COL21A1: variants seen among roughly 807,000 people sequenced by gnomAD.
COL21A1 encodes collagen alpha-1(XXI) chain.
A neutral mutation model predicts 137.9 loss-of-function variants in COL21A1; 149 were observed. The ratio of observed to expected loss-of-function variants is 1.08; its 90% CI spans 0.95 to 1.24. The LOEUF is 1.24. Among genes scored for constraint, COL21A1 ranks in the 50% most tolerant of loss-of-function variants. The probability of loss-of-function intolerance (pLI) is 0.00; values close to 1 mark genes in which losing one functional copy is unlikely to be tolerated. For missense variants in COL21A1, 1,167 were observed against 1,158.4 expected, an observed-to-expected ratio of 1.01 and a Z score of -0.11; for synonymous variants, 456 against 391.5, an observed-to-expected ratio of 1.16 and a Z score of -1.95.
At chr6:56,226,390 T>C (rs1400596316) in intron 1 of COL21A1, among the ~76,000 whole-genome samples, 1 of 152,094 alleles carries the variant, frequency 6.6e-6, no homozygotes, top group Non-Finnish European at 1.5e-5. Context: ...TTTCAAGAGA[T>C]AGATATTTGT....
At chr6:56,316,948 C>T (rs1034439761) in intron 1 of COL21A1, among the ~76,000 whole-genome samples, 2 of 152,130 alleles carry the variant, frequency 1.3e-5, no homozygotes, top group African/African-American at 4.8e-5. Context: ...TCAGAAGTGT[C>T]ATTTAGTATA....
At position 56,056,920 on chromosome 6, in the gene COL21A1, T is replaced by C. The variant is rs1765393056; in HGVS notation, c.*737A>G. 6.6e-6 allele frequency: 1 copy of C among 152,248 alleles called. No individual in the cohort carries two copies. The highest frequency in any genetic ancestry group is 2.1e-4 in the South Asian group (1 of 4,832). The allele number at this position is 152,248 out of a possible 1,614,324, so 9.4% of individuals were successfully genotyped here. ...CGATTAATCAACAAGTATAAAATAG[T>C]CTTTTAGTACTTCCAAACTTACATT... On this transcript the variant is annotated 3_prime_UTR_variant, in exon 30 of 30. Coordinates refer to ENST00000244728, the MANE Select transcript of COL21A1 (RefSeq NM_030820.4).
intron 17 of COL21A1, among the ~76,000 whole-genome samples, chr6:56,087,430 T>C (rs1028477420): frequency 1.3e-5 from 2 of 152,210 alleles, no homozygotes; most frequent in African/African-American, 2.4e-5. Context: ...TCAGATGTCT[T>C]CAGTATTGAA....
At chr6:56,344,197 A>G (rs183705968) in intron 1 of COL21A1, among the ~76,000 whole-genome samples, 7 of 152,314 alleles carry the variant, frequency 4.6e-5, no homozygotes, top group African/African-American at 1.7e-4. Flanking sequence ...TTTTTGTTAT[A>G]TTTCACCAAG....
At chr6:56,337,757 C>T (rs193059485) in intron 1 of COL21A1, among the ~76,000 whole-genome samples, 21 of 152,264 alleles carry the variant, frequency 1.4e-4, no homozygotes, top group Non-Finnish European at 2.2e-4. Context: ...TCCTTGTGTG[C>T]TATATCAAAC....
intron 1 of COL21A1, among the ~76,000 whole-genome samples, chr6:56,363,638 T>C (rs1051991113): frequency 4.6e-5 from 7 of 152,208 alleles, no homozygotes; most frequent in African/African-American, 1.7e-4. Flanking sequence ...AGGGAGGTAT[T>C]GGGTAATATT....
At chr6:56,321,843 A>G (rs1001219874) in intron 1 of COL21A1, among the ~76,000 whole-genome samples, 9 of 152,152 alleles carry the variant, frequency 5.9e-5, no homozygotes, top group African/African-American at 2.2e-4. Flanking sequence ...CCATTCTTCT[A>G]TGGTCGTTCA....
At chr6:56,064,369 T>C (rs570857726) in intron 24 of COL21A1, among the ~76,000 whole-genome samples, 30 of 152,150 alleles carry the variant, frequency 2.0e-4, no homozygotes, top group African/African-American at 6.7e-4. Flanking sequence ...CCACCAGTGT[T>C]ATCAGTATGG....
chr6:56,300,608 T>C (rs987381023), intron 1 of COL21A1, among the ~76,000 whole-genome samples: 1 of 152,144 alleles, frequency 6.6e-6, no homozygotes. Context: ...TCTTGAGACA[T>C]AATCCATTAA....
intron 16 of COL21A1, among the ~76,000 whole-genome samples, chr6:56,113,131 C>A (rs1771598971): frequency 6.6e-6 from 1 of 152,182 alleles, no homozygotes; most frequent in Non-Finnish European, 1.5e-5. Context: ...ATAATGTCTG[C>A]AACTCATAAA....
At chr6:56,060,324 A>C in intron 27 of COL21A1, 106 bp from the exon 28 acceptor site, 1 of 865,392 alleles carries the variant, frequency 1.2e-6, no homozygotes. Flanking sequence ...CGAACATTGA[A>C]TATGTGCATA....
At chr6:56,221,246 T>C (rs1780810253) in intron 1 of COL21A1, among the ~76,000 whole-genome samples, 1 of 152,084 alleles carries the variant, frequency 6.6e-6, no homozygotes, top group Non-Finnish European at 1.5e-5. Context: ...CAAATCCCTC[T>C]ATTAGAAATC....
In COL21A1 at chr6:56,101,523, T is replaced by G; in HGVS notation, c.1761A>C (p.Gly587=). 2.5e-6 allele frequency: 4 copies of G among 1,584,516 alleles called. No homozygotes were observed. The highest frequency in any genetic ancestry group is 3.4e-6 in the Non-Finnish European group (4 of 1,163,836). The change falls in exon 17 of 30, where the codon GGA becomes GGC. Residue 587 remains glycine (G), a splice_region_variant and synonymous_variant. Transcript: ENST00000244728. The stretch of plus-strand genomic sequence containing the variant: ...CCGGAGCACCAGGGGATCCTGCTTC[T>G]CCCTTTTAATGATTTGACAAAAAGA... ...DGLMGSPGFK[G]EAGSPGAPGQ...
At chr6:56,292,582 C>T (rs1003248660) in intron 1 of COL21A1, among the ~76,000 whole-genome samples, 2 of 152,168 alleles carry the variant, frequency 1.3e-5, no homozygotes, top group Non-Finnish European at 2.9e-5. Flanking sequence ...AGGCATCTGG[C>T]AAATGTGCCT....
chr6:56,369,804 C>G (rs1248937277), intron 1 of COL21A1, among the ~76,000 whole-genome samples: 6 of 152,200 alleles, frequency 3.9e-5, no homozygotes, highest in East Asian at 1.9e-4. Flanking sequence ...CAAACAGAAA[C>G]TAATTAAAAC....
At chr6:56,256,790 A>G (rs1390427932) in intron 1 of COL21A1, among the ~76,000 whole-genome samples, 1 of 152,086 alleles carries the variant, frequency 6.6e-6, no homozygotes, top group Admixed American at 6.5e-5. Flanking sequence ...TGTGAGTGAA[A>G]CTAACATGTT....
intron 9 of COL21A1, among the ~76,000 whole-genome samples, chr6:56,163,340 G>A (rs1179594620): frequency 6.6e-6 from 1 of 152,158 alleles, no homozygotes; most frequent in East Asian, 1.9e-4. Flanking sequence ...TATATATCAT[G>A]GACAAACCAC....
At chr6:56,065,204 GCACT>G in intron 23 of COL21A1, among the ~76,000 whole-genome samples, 1 of 152,132 alleles carries the variant, frequency 6.6e-6, no homozygotes, top group Non-Finnish European at 1.5e-5. Context: ...AGACTCTGAA[GCACT>G]ACTTCATCCT....
intron 17 of COL21A1, among the ~76,000 whole-genome samples, chr6:56,086,611 G>C (rs1317536800): frequency 6.6e-6 from 1 of 152,130 alleles, no homozygotes; most frequent in Non-Finnish European, 1.5e-5. Context: ...AAGAAGAGGA[G>C]GGGTTGGTCT....
Sources: allele counts gnomAD v4.1 joint callset (sites outside exome capture counted in the v4.1 genomes callset), GRCh38; gene constraint gnomAD v4.1.1; transcripts MANE v1.5; gene names NCBI Gene and HGNC (gene_info 2026-07-23, HGNC 2026-07-21).